The following ATP8B1 variants were observed in gnomAD, a reference collection of about 807,000 sequenced individuals.
The protein encoded by ATP8B1 is ATPase phospholipid transporting 8B1.
A neutral mutation model predicts 149.9 loss-of-function variants in ATP8B1; 80 were observed. That is an observed-to-expected ratio of 0.53 (90% CI 0.45 to 0.64). ATP8B1 has a LOEUF of 0.64. Among genes scored for constraint, ATP8B1 ranks in the 30% least tolerant of loss-of-function variants. ATP8B1 has a pLI of 0.00. For synonymous variants in ATP8B1, 536 were observed against 562.8 expected (o/e 0.95, Z 0.67); for missense variants, 1,247 against 1,552.6 (o/e 0.80, Z 3.31).
At chr18:57,729,877 G>C (rs1185129999) in intron 2 of ATP8B1, among the ~76,000 whole-genome samples, 1 of 152,018 alleles carries the variant, frequency 6.6e-6, no homozygotes, top group African/African-American at 2.4e-5. Flanking sequence ...TTTTGGTCAA[G>C]TATCATGAGT....
chr18:57,776,561 G>C (rs1400816386), intron 1 of ATP8B1, among the ~76,000 whole-genome samples: 1 of 152,104 alleles, frequency 6.6e-6, no homozygotes, highest in Non-Finnish European at 1.5e-5. Context: ...CCACTGAGGT[G>C]AGAGAAAGGA....
chr18:57,705,099 T>C (rs1234755514), intron 3 of ATP8B1, among the ~76,000 whole-genome samples: 1 of 152,068 alleles, frequency 6.6e-6, no homozygotes, highest in East Asian at 1.9e-4. Flanking sequence ...GAAAGAAAGA[T>C]ACTGATATTT....
intron 1 of ATP8B1, among the ~76,000 whole-genome samples, chr18:57,743,831 T>C (rs1461773457): frequency 6.6e-6 from 1 of 152,090 alleles, no homozygotes; most frequent in Non-Finnish European, 1.5e-5. Context: ...TGCACAGCAC[T>C]CATCTGACAG....
At chr18:57,767,438 T>A (rs190865859) in intron 1 of ATP8B1, among the ~76,000 whole-genome samples, 167 of 152,248 alleles carry the variant, frequency 1.1e-3, no homozygotes, top group Non-Finnish European at 8.4e-4. Context: ...GATCAGCAGT[T>A]GCACTAGCCT....
At chr18:57,669,207 C>A in intron 18 of ATP8B1, 111 bp downstream of exon 18, 2 of 1,168,274 alleles carry the variant, frequency 1.7e-6, no homozygotes, top group Non-Finnish European at 2.4e-6. Context: ...GTGTCAAATG[C>A]TGAAGTTACA....
chr18:57,785,274 T>C (rs2080395712), intron 1 of ATP8B1, among the ~76,000 whole-genome samples: 1 of 152,316 alleles, frequency 6.6e-6, no homozygotes. Context: ...TTTTCCCCTG[T>C]ATGTAAATAT....
intron 1 of ATP8B1, among the ~76,000 whole-genome samples, chr18:57,744,307 C>CAAAAAAAAA (rs10680324): frequency 1.0e-5 from 1 of 97,876 alleles, no homozygotes; most frequent in Non-Finnish European, 1.9e-5. Context: ...GAGACTGTCT[C>CAAAAAAAAA]AAAAAAAAAA....
chr18:57,746,467 CTTTTTTT>C (rs71171082), intron 1 of ATP8B1, among the ~76,000 whole-genome samples: 12 of 94,100 alleles, frequency 1.3e-4, no homozygotes, highest in Non-Finnish European at 8.1e-5. Context: ...CTGATGCTTA[CTTTTTTT>C]TTTTTTTTTT....
intron 2 of ATP8B1, among the ~76,000 whole-genome samples, chr18:57,720,768 A>T (rs2079636732): frequency 6.8e-6 from 1 of 147,654 alleles, no homozygotes; most frequent in South Asian, 2.3e-4. Flanking sequence ...ACTCCTCGAG[A>T]AGAGCAACTC....
At position 57,655,329 on chromosome 18, in the gene ATP8B1, C is replaced by T. The variant is rs150451318; in HGVS notation, c.2796G>A (p.Leu932=). The T allele has an allele frequency of 4.0e-5, 64 of 1,614,152 alleles. No homozygotes were observed. In the African/African-American group the frequency reaches 6.4e-4, roughly 16 times the overall value. The change falls in exon 23 of 28, where the codon CTG becomes CTA. Residue 932 remains leucine (L), a synonymous_variant. Transcript: ENST00000648908. ...SDYSFAQFRY[L]QRLLLVHGRW... Reference sequence around the variant, plus strand: ...GGCCATGCACCAGCAGTAGCCTCTGCAGATATCGGAACTGAGCAAAGGAAT... The same window carrying T: ...GGCCATGCACCAGCAGTAGCCTCTGTAGATATCGGAACTGAGCAAAGGAAT...
intron 2 of ATP8B1, chr18:57,731,308 AATATAT>A (rs878964423): frequency 7.1e-6 from 1 of 141,296 alleles, no homozygotes; most frequent in African/African-American, 2.9e-5. Flanking sequence ...CCTGCCTCAA[AATATAT>A]ATATATATAT....
chr18:57,739,569 C>A (rs972221475), intron 1 of ATP8B1, among the ~76,000 whole-genome samples: 3 of 152,130 alleles, frequency 2.0e-5, no homozygotes, highest in Non-Finnish European at 2.9e-5. Flanking sequence ...AAGAGCAAAT[C>A]AACTTTCAAT....
chr18:57,718,546 A>G (rs1481315420), intron 2 of ATP8B1, among the ~76,000 whole-genome samples: 1 of 152,224 alleles, frequency 6.6e-6, no homozygotes, highest in Non-Finnish European at 1.5e-5. Context: ...AGACAAAGAC[A>G]CATCAAAAAA....
chr18:57,731,167 C>T (rs2079760556), intron 2 of ATP8B1, among the ~76,000 whole-genome samples: 1 of 151,892 alleles, frequency 6.6e-6, no homozygotes, highest in Non-Finnish European at 1.5e-5. Context: ...ATTAGTTGGA[C>T]ATACTGGTGC....
At chr18:57,659,271 G>GC (rs1568182189) in intron 22 of ATP8B1, among the ~76,000 whole-genome samples, 2 of 149,290 alleles carry the variant, frequency 1.3e-5, no homozygotes, top group African/African-American at 4.9e-5. Flanking sequence ...GGGAGACCTT[G>GC]TTTTTTTTTT....
chr18:57,702,845 G>A (rs1913196383), intron 4 of ATP8B1, among the ~76,000 whole-genome samples: 1 of 130,060 alleles, frequency 7.7e-6, no homozygotes, highest in African/African-American at 3.0e-5. Flanking sequence ...TAACAGGAGC[G>A]AAACTCCATC....
Position 57,647,300 on chromosome 18 carries a change from A to G in ATP8B1, c.*1188T>C, listed in dbSNP as rs562788964. On this transcript the variant is annotated 3_prime_UTR_variant, in exon 28 of 28. Transcript: ENST00000648908. The stretch of plus-strand genomic sequence containing the variant: ...GCTGCTAAAATAATATTTGATAGTA[A>G]AAGTATGTAATGTGCTATCTCACCT... 2.6e-5 allele frequency: 4 copies of G among 152,322 alleles called. No homozygotes were observed. Among genetic ancestry groups the G allele is most frequent in the African/African-American group, 9.6e-5 (4 of 41,576 alleles). The allele number at this position is 152,322 out of a possible 1,614,324, so 9.4% of individuals were successfully genotyped here. A position where few individuals can be genotyped will look rare whatever the true frequency, so the allele number is the denominator to read the frequency against.
intron 12 of ATP8B1, among the ~76,000 whole-genome samples, chr18:57,689,413 A>T (rs1247897163): frequency 1.3e-5 from 2 of 152,230 alleles, no homozygotes; most frequent in South Asian, 2.1e-4. Context: ...GGATCATCTG[A>T]ATTTTAAAAC....
intron 2 of ATP8B1, among the ~76,000 whole-genome samples, chr18:57,725,280 T>A (rs1056116002): frequency 3.3e-5 from 5 of 151,002 alleles, no homozygotes; most frequent in African/African-American, 1.2e-4. Context: ...ATAATCCCAT[T>A]TATAATAGCT....
Sources: allele counts gnomAD v4.1 joint callset (sites outside exome capture counted in the v4.1 genomes callset), GRCh38; gene constraint gnomAD v4.1.1; transcripts MANE v1.5; gene names NCBI Gene and HGNC (gene_info 2026-07-23, HGNC 2026-07-21).